Variants in IGF2BP2 observed in about 807,000 individuals in gnomAD.
IGF2BP2 encodes insulin-like growth factor 2 mRNA-binding protein 2.
In IGF2BP2, 17 loss-of-function variants were observed where a neutral mutation model predicts 75.8. The ratio of observed to expected loss-of-function variants is 0.22; its 90% CI spans 0.15 to 0.34. The LOEUF (loss-of-function observed/expected upper bound fraction) is 0.34, where lower values mean the gene tolerates loss of function less well. Among genes scored for constraint, IGF2BP2 ranks in the 10% least tolerant of loss-of-function variants. The pLI is 1.00. For missense variants in IGF2BP2, 516 were observed against 772.4 expected (o/e 0.67, Z 3.93); for synonymous variants, 288 against 295.6 (o/e 0.97, Z 0.26).
At chr3:185,738,186 G>A (rs964676584) in intron 2 of IGF2BP2, among the ~76,000 whole-genome samples, 2 of 152,104 alleles carry the variant, frequency 1.3e-5, no homozygotes, top group East Asian at 1.9e-4. Context: ...TTTTGATGTC[G>A]CCTTGTGGTA....
Position 185,805,752 on chromosome 3 carries a change from C to A in IGF2BP2, c.239+17401G>T, listed in dbSNP as rs185865213. 5.2e-3 allele frequency among the ~76,000 whole-genome samples: 782 copies of A among 149,814 alleles called. 4 individuals carry two copies. The highest frequency in any genetic ancestry group is 0.018 in the African/African-American group (738 of 40,992). Reference sequence around the variant, plus strand: ...TTAACCTCTTAACTCGGGAAGATTACAAAAATGTGAAGTAAATCTTTTTTT... The same window carrying A: ...TTAACCTCTTAACTCGGGAAGATTAAAAAAATGTGAAGTAAATCTTTTTTT... On this transcript the variant is annotated intron_variant, in intron 2 of 15. Coordinates refer to ENST00000382199, the MANE Select transcript of IGF2BP2 (RefSeq NM_006548.6).
At chr3:185,665,987 T>C (rs1321579076) in intron 10 of IGF2BP2, among the ~76,000 whole-genome samples, 1 of 144,770 alleles carries the variant, frequency 6.9e-6, no homozygotes, top group Non-Finnish European at 1.5e-5. Context: ...GATAGATAGA[T>C]AGGTAGATAG....
At chr3:185,701,316 G>C (rs1467058980) in intron 2 of IGF2BP2, among the ~76,000 whole-genome samples, 2 of 147,106 alleles carry the variant, frequency 1.4e-5, no homozygotes, top group South Asian at 4.2e-4. Context: ...TATTAGGGTT[G>C]CCTTAATATA....
chr3:185,651,796 G>A (rs888838808), intron 13 of IGF2BP2, among the ~76,000 whole-genome samples: 7 of 152,110 alleles, frequency 4.6e-5, no homozygotes, highest in Admixed American at 1.3e-4. Flanking sequence ...TAAATGAGCC[G>A]GAGACATCCA....
At chr3:185,661,770 G>A (rs950955196) in intron 10 of IGF2BP2, among the ~76,000 whole-genome samples, 3 of 152,134 alleles carry the variant, frequency 2.0e-5, no homozygotes, top group Non-Finnish European at 4.4e-5. Context: ...TTCTACCGGG[G>A]AGGCAGGCAC....
chr3:185,688,771 C>T (rs1038442728), intron 6 of IGF2BP2, among the ~76,000 whole-genome samples: 2 of 152,186 alleles, frequency 1.3e-5, no homozygotes, highest in East Asian at 1.9e-4. Context: ...TTTCAAGTCC[C>T]GAGCTTGCTT....
intron 7 of IGF2BP2, among the ~76,000 whole-genome samples, chr3:185,679,344 TAAC>T (rs1188073170): frequency 2.0e-5 from 3 of 152,166 alleles, no homozygotes; most frequent in Non-Finnish European, 2.9e-5. Flanking sequence ...TTTGAACTGA[TAAC>T]AACTTCACTT....
Position 185,825,012 on chromosome 3 carries a change from C to T in IGF2BP2, c.-52G>A. On this transcript the variant is annotated 5_prime_UTR_variant, in exon 1 of 16. Transcript: ENST00000382199. ...TCCCCCGGCCCGGTACCCGGCGCTC[C>T]TCGCCTCCTCCGCTGCCCTCGTCTC... The T allele has an allele frequency of 7.2e-7, 1 of 1,388,058 alleles. No individual in the cohort carries two copies. Among genetic ancestry groups the T allele is most frequent in the Non-Finnish European group, 9.6e-7 (1 of 1,043,878 alleles). 86.0% of individuals were successfully genotyped at this position (1,388,058 alleles called of 1,614,324 possible).
intron 2 of IGF2BP2, among the ~76,000 whole-genome samples, chr3:185,805,376 G>C (rs1239304303): frequency 6.6e-6 from 1 of 152,140 alleles, no homozygotes; most frequent in African/African-American, 2.4e-5. Context: ...AGACTGCCTG[G>C]TTACCAAGTA....
At chr3:185,679,459 A>G (rs1720050356) in intron 7 of IGF2BP2, among the ~76,000 whole-genome samples, 1 of 152,142 alleles carries the variant, frequency 6.6e-6, no homozygotes, top group Non-Finnish European at 1.5e-5. Flanking sequence ...ATAGTTAAAA[A>G]AAGTTTTTGT....
intron 10 of IGF2BP2, 120 bp from the exon 11 acceptor site, chr3:185,658,529 C>G: frequency 1.4e-6 from 1 of 733,750 alleles, no homozygotes; most frequent in Non-Finnish European, 2.3e-6. Context: ...GCTCCACTGT[C>G]GTGTCTACAC....
At chr3:185,820,506 TAGA>T (rs1190232654) in intron 2 of IGF2BP2, among the ~76,000 whole-genome samples, 7 of 151,964 alleles carry the variant, frequency 4.6e-5, no homozygotes, top group Admixed American at 1.3e-4. Flanking sequence ...CGGTTGACAT[TAGA>T]ATAATTTGCA....
chr3:185,742,999 T>A (rs1199662247), intron 2 of IGF2BP2, among the ~76,000 whole-genome samples: 1 of 151,824 alleles, frequency 6.6e-6, no homozygotes, highest in Non-Finnish European at 1.5e-5. Flanking sequence ...CTAGGGAGGC[T>A]GAGACAGAAG....
chr3:185,774,280 T>C (rs542841646), intron 2 of IGF2BP2, among the ~76,000 whole-genome samples: 4 of 152,234 alleles, frequency 2.6e-5, no homozygotes, highest in South Asian at 4.2e-4. Context: ...TTTCCTCTAC[T>C]ACTGCTAAAT....
intron 2 of IGF2BP2, among the ~76,000 whole-genome samples, chr3:185,816,148 T>A (rs1205602095): frequency 6.6e-6 from 1 of 152,180 alleles, no homozygotes; most frequent in African/African-American, 2.4e-5. Flanking sequence ...AGACTTTCAT[T>A]CACCACATGG....
At position 185,645,360 on chromosome 3, in the gene IGF2BP2, GC is replaced by G; in HGVS notation, c.*170del. 1.7e-6 allele frequency: 1 copy of G among 595,656 alleles called. No homozygotes were observed. The highest frequency in any genetic ancestry group is 3.0e-6 in the Non-Finnish European group (1 of 332,108). The allele number at this position is 595,656 out of a possible 1,614,324, so 36.9% of individuals were successfully genotyped here. ...GGCTGACCTTCCCCGCCCCTCCTCGGCCCCTGGGGTTCTCAGGGCCTCGGCA... is the reference window on the plus strand; with the variant it reads ...GGCTGACCTTCCCCGCCCCTCCTCGGCCCTGGGGTTCTCAGGGCCTCGGCA... On this transcript the variant is annotated 3_prime_UTR_variant, in exon 16 of 16. Coordinates refer to ENST00000382199, the MANE Select transcript of IGF2BP2 (RefSeq NM_006548.6). This position sits in a 1 kb window ranked among gnomAD's most constrained non-coding sequence, Gnocchi z 4.9.
intron 7 of IGF2BP2, among the ~76,000 whole-genome samples, chr3:185,686,739 T>C (rs948742214): frequency 6.6e-6 from 1 of 152,178 alleles, no homozygotes; most frequent in Non-Finnish European, 1.5e-5. Flanking sequence ...AGTGCAGATA[T>C]AGAACATTTC....
At position 185,816,186 on chromosome 3, in the gene IGF2BP2, C is replaced by T. The variant is rs78239723; in HGVS notation, c.239+6967G>A. Among the ~76,000 whole-genome samples the T allele has an allele frequency of 6.4e-3, 974 of 152,212 alleles. 11 individuals carry two copies. The highest frequency in any genetic ancestry group is 0.022 in the African/African-American group (932 of 41,518). ...CATAGTCTTGACCCGGGTGACAGTT[C>T]GCTGTCTAATCTGTGTGGCTCAGAT... On this transcript the variant is annotated intron_variant, in intron 2 of 15. Transcript: ENST00000382199.
At chr3:185,824,453 G>A (rs1741774231) in intron 1 of IGF2BP2, among the ~76,000 whole-genome samples, 2 of 137,492 alleles carry the variant, frequency 1.5e-5, no homozygotes, top group Admixed American at 1.4e-4. Context: ...AAGGGTGGGG[G>A]GCGGGGAAGC....
Sources: gnomAD v4.1 joint callset for allele counts (sites outside exome capture counted in the v4.1 genomes callset) on GRCh38, gnomAD v4.1.1 for gene constraint, Gnocchi (gnomAD v3.1) non-coding constraint, MANE v1.5 for transcripts, NCBI Gene and HGNC (gene_info 2026-07-23, HGNC 2026-07-21) for gene names.